Variants in ZNF536 observed in about 807,000 individuals in gnomAD.
ZNF536 encodes the protein zinc finger protein 536.
ZNF536 carries 13 observed loss-of-function variants against 84.5 expected under a neutral mutation model. That is an observed-to-expected ratio of 0.15 (90% CI 0.10 to 0.24). ZNF536 has a LOEUF of 0.24. ZNF536 is among the 10% of genes least tolerant of loss of function. The pLI is 1.00. For missense variants in ZNF536, 1,536 were observed against 1,747.5 expected, an observed-to-expected ratio of 0.88 and a Z score of 2.16; for synonymous variants, 811 against 742.5, an observed-to-expected ratio of 1.09 and a Z score of -1.50.
At chr19:30,634,200 C>T (rs778011290) in intron 1 of ZNF536, among the ~76,000 whole-genome samples, 16 of 152,128 alleles carry the variant, frequency 1.1e-4, no homozygotes, top group Non-Finnish European at 1.9e-4. Context: ...TGGCTTAAGG[C>T]GCGGTGCTGG....
At chr19:30,407,376 A>C (rs1266312746) in intron 1 of ZNF536, among the ~76,000 whole-genome samples, 1 of 152,190 alleles carries the variant, frequency 6.6e-6, no homozygotes, top group Non-Finnish European at 1.5e-5. Context: ...ATCAACATAG[A>C]AGAAGACTTC....
intron 1 of ZNF536, among the ~76,000 whole-genome samples, chr19:30,705,882 C>T (rs2052206843): frequency 1.3e-5 from 2 of 152,056 alleles, no homozygotes; most frequent in Non-Finnish European, 2.9e-5. Context: ...CCAAATCTGC[C>T]AGAATTATTA....
chr19:30,475,898 A>G (rs1438329940), intron 2 of ZNF536, among the ~76,000 whole-genome samples: 3 of 152,116 alleles, frequency 2.0e-5, no homozygotes, highest in African/African-American at 7.2e-5. Context: ...CCAGGGACTT[A>G]AGGTTACCTG....
chr19:30,294,743 G>T (rs552153323), intron 2 of ZNF536, among the ~76,000 whole-genome samples: 7 of 152,280 alleles, frequency 4.6e-5, no homozygotes, highest in African/African-American at 1.7e-4. Flanking sequence ...AGATACACCT[G>T]CCCTGACCCT....
At chr19:30,381,835 G>A (rs1792864734) in intron 1 of ZNF536, among the ~76,000 whole-genome samples, 1 of 152,216 alleles carries the variant, frequency 6.6e-6, no homozygotes, top group Admixed American at 6.5e-5. Flanking sequence ...AGCGATCTAT[G>A]TGGTTCTGTG....
rs1362824740 is a variant in ZNF536, at chr19:30,228,738, C to G, written c.-190+65C>G. The G allele has an allele frequency of 1.3e-5, 2 of 151,190 alleles. No homozygotes were observed. Among genetic ancestry groups the G allele is most frequent in the African/African-American group, 2.4e-5 (1 of 41,392 alleles). The allele number at this position is 151,190 out of a possible 1,614,324, so 9.4% of individuals were successfully genotyped here. On this transcript the variant is annotated intron_variant, in intron 1 of 5. Transcript: ENST00000585628. The surrounding 1 kb of genome is among the most constrained non-coding windows in gnomAD (Gnocchi z 4.5). ...GCGCGCAAAGCCGGGAGCGAGGTGC[C>G]GCGAGCTGCGCGCCGCCCCGGGCCG...
In ZNF536 at chr19:30,627,891, A is replaced by C. The variant is rs147799391; in HGVS notation, c.169+78377A>C. ...CGGGTGCAGCTTGCAGTAATGGCTC[A>C]GCACCAATATGACCCACGGCCTCCC... On this transcript the variant is annotated intron_variant, in intron 1 of 1. Coordinates refer to the ZNF536 transcript ENST00000592773. Among the ~76,000 whole-genome samples, 296 of 152,302 alleles carry C rather than the reference A, an allele frequency of 1.9e-3. 6 individuals are homozygous for C. In the East Asian group the frequency reaches 0.052, roughly 27 times the overall value.
chr19:30,616,912 C>A (rs1485159661), intron 1 of ZNF536, among the ~76,000 whole-genome samples: 1 of 152,104 alleles, frequency 6.6e-6, no homozygotes, highest in Non-Finnish European at 1.5e-5. Flanking sequence ...AAGGCATTAA[C>A]TTAATCTATT....
At chr19:30,712,547 G>A (rs1186914817) in exon 2 of ZNF536, 3 of 152,002 alleles carry the variant, frequency 2.0e-5, no homozygotes, top group African/African-American at 7.2e-5. Context: ...TGCAATCAAT[G>A]TAAATAAAAT....
intron 1 of ZNF536, among the ~76,000 whole-genome samples, chr19:30,671,957 C>G (rs915889524): frequency 6.6e-6 from 1 of 152,146 alleles, no homozygotes; most frequent in Non-Finnish European, 1.5e-5. Context: ...CCCAGGAGTT[C>G]TTTTCTCAGT....
intron 1 of ZNF536, among the ~76,000 whole-genome samples, chr19:30,577,746 G>A (rs903582480): frequency 6.6e-6 from 1 of 152,164 alleles, no homozygotes; most frequent in African/African-American, 2.4e-5. Context: ...CATATACAAA[G>A]TGACCTTTGA....
intron 2 of ZNF536, among the ~76,000 whole-genome samples, chr19:30,497,212 A>G (rs757478764): frequency 1.3e-5 from 2 of 152,296 alleles, no homozygotes; most frequent in Middle Eastern, 3.4e-3. Context: ...TGAGTCATCA[A>G]TGATGCTCTT....
At chr19:30,365,763 C>A (rs2048408671) in intron 3 of ZNF536, among the ~76,000 whole-genome samples, 1 of 152,178 alleles carries the variant, frequency 6.6e-6, no homozygotes, top group African/African-American at 2.4e-5. Context: ...AGAGTGAGAA[C>A]CACCTGCTTG....
At chr19:30,241,634 T>C (rs1271626054) in intron 1 of ZNF536, among the ~76,000 whole-genome samples, 2 of 152,188 alleles carry the variant, frequency 1.3e-5, no homozygotes, top group Non-Finnish European at 2.9e-5. Context: ...AGAGTTAAAC[T>C]AGCAGAGCCC....
intron 1 of ZNF536, among the ~76,000 whole-genome samples, chr19:30,671,787 T>C (rs1256940558): frequency 2.6e-5 from 4 of 152,304 alleles, no homozygotes; most frequent in Non-Finnish European, 2.9e-5. Context: ...ACTTGGGTGG[T>C]TGCAATTTCA....
At chr19:30,522,458 C>T (rs1268058893) in intron 2 of ZNF536, among the ~76,000 whole-genome samples, 3 of 151,382 alleles carry the variant, frequency 2.0e-5, no homozygotes, top group Non-Finnish European at 2.9e-5. Flanking sequence ...TCAAAAATGG[C>T]AGTAACTTCA....
chr19:30,711,113 T>C (rs1360541993), exon 2 of ZNF536: 1 of 151,526 alleles, frequency 6.6e-6, no homozygotes, highest in African/African-American at 2.4e-5. Context: ...AACCCCCCAA[T>C]AGTGTATAGA....
intron 2 of ZNF536, among the ~76,000 whole-genome samples, chr19:30,350,264 C>G (rs1279207063): frequency 6.6e-6 from 1 of 152,180 alleles, no homozygotes; most frequent in Non-Finnish European, 1.5e-5. Context: ...TCACTCAAAA[C>G]AGCTTTTGTG....
intron 1 of ZNF536, among the ~76,000 whole-genome samples, chr19:30,254,241 A>G (rs1013954836): frequency 6.6e-6 from 1 of 152,064 alleles, no homozygotes; most frequent in Non-Finnish European, 1.5e-5. Flanking sequence ...AATACCCACT[A>G]TCTCTCCCCT....
Sources: gnomAD v4.1 joint callset for allele counts (sites outside exome capture counted in the v4.1 genomes callset) on GRCh38, gnomAD v4.1.1 for gene constraint, Gnocchi (gnomAD v3.1) non-coding constraint, MANE v1.5 for transcripts, NCBI Gene and HGNC (gene_info 2026-07-23, HGNC 2026-07-21) for gene names.